The following SUFU variants were observed in gnomAD, a reference collection of about 807,000 sequenced individuals.
SUFU encodes SUFU negative regulator of hedgehog signaling.
SUFU carries 7 observed loss-of-function variants against 58.9 expected under a neutral mutation model. That is an observed-to-expected ratio of 0.12 (90% confidence interval 0.07 to 0.22). The LOEUF is 0.22. SUFU is among the 10% of genes least tolerant of loss of function. The pLI is 1.00. For missense variants in SUFU, 451 were observed against 641.3 expected (o/e 0.70, Z 3.20); for synonymous variants, 232 against 254.8 (o/e 0.91, Z 0.85).
chr10:102,506,229 A>T (rs1005335590), intron 1 of SUFU, among the ~76,000 whole-genome samples: 2 of 151,166 alleles, frequency 1.3e-5, no homozygotes, highest in Admixed American at 6.6e-5. Flanking sequence ...ACTAAGGGCA[A>T]TTTTTTTTTC....
intron 3 of SUFU, among the ~76,000 whole-genome samples, chr10:102,563,833 A>G (rs1406459881): frequency 1.3e-5 from 2 of 151,298 alleles, no homozygotes; most frequent in Admixed American, 1.3e-4. Flanking sequence ...CTCTAGCTGC[A>G]TTTTGAGAGT....
chr10:102,568,920 AC>A, intron 3 of SUFU, among the ~76,000 whole-genome samples: 1 of 7,818 alleles, frequency 1.3e-4, no homozygotes, highest in Admixed American at 1.6e-3. Context: ...ATATATATAT[AC>A]ACATATATAT....
At chr10:102,595,162 A>T (rs561706175) in intron 6 of SUFU, among the ~76,000 whole-genome samples, 1 of 152,314 alleles carries the variant, frequency 6.6e-6, no homozygotes, top group South Asian at 2.1e-4. Context: ...CTTCTGTAAA[A>T]TATCTGGTAG....
intron 2 of SUFU, among the ~76,000 whole-genome samples, chr10:102,514,911 G>C (rs918022853): frequency 2.0e-5 from 3 of 152,226 alleles, no homozygotes; most frequent in African/African-American, 7.2e-5. Flanking sequence ...ATTTTCCCAG[G>C]GCAGGTCATC....
At chr10:102,588,113 C>G (rs1267127380) in intron 3 of SUFU, among the ~76,000 whole-genome samples, 1 of 152,142 alleles carries the variant, frequency 6.6e-6, no homozygotes, top group Non-Finnish European at 1.5e-5. Context: ...TTAATGCCCA[C>G]AGGCTGGGCG....
At chr10:102,533,904 C>T (rs2062705581) in intron 2 of SUFU, among the ~76,000 whole-genome samples, 1 of 151,278 alleles carries the variant, frequency 6.6e-6, no homozygotes, top group African/African-American at 2.5e-5. Flanking sequence ...AACATTTATT[C>T]AGGCTACCAC....
At chr10:102,585,600 G>A (rs993796122) in intron 3 of SUFU, among the ~76,000 whole-genome samples, 4 of 152,010 alleles carry the variant, frequency 2.6e-5, no homozygotes, top group East Asian at 1.9e-4. Context: ...TCCACATCCC[G>A]GGCTCAAACA....
At chr10:102,570,971 G>A (rs369720697) in intron 3 of SUFU, among the ~76,000 whole-genome samples, 1 of 151,668 alleles carries the variant, frequency 6.6e-6, no homozygotes, top group Non-Finnish European at 1.5e-5. Context: ...TACATATTTT[G>A]TTTTCTTGGA....
chr10:102,603,158 T>C (rs2063529945), intron 8 of SUFU, among the ~76,000 whole-genome samples: 1 of 152,140 alleles, frequency 6.6e-6, no homozygotes, highest in African/African-American at 2.4e-5. Context: ...AGAGGTTTTC[T>C]TTTATTTATT....
chr10:102,542,373 C>T (rs1387631821), intron 2 of SUFU, among the ~76,000 whole-genome samples: 7 of 151,498 alleles, frequency 4.6e-5, no homozygotes, highest in African/African-American at 1.2e-4. Context: ...CCTCATGATC[C>T]GCCCACCTCG....
In SUFU at chr10:102,592,439, C is replaced by T. The variant is rs73338680; in HGVS notation, c.455-143C>T. ...TATCCACAAACTCTTTGCTTCCATC[C>T]GGAGTGAATGCTTCTCTTCCTTCAC... On this transcript the variant is annotated intron_variant, in intron 3 of 11. Transcript: ENST00000369902. 2.4e-3 allele frequency: 2,195 copies of T among 896,798 alleles called. 30 individuals carry two copies. The African/African-American group carries it at 0.028, about 12-fold the overall frequency. The allele number at this position is 896,798 out of a possible 1,614,324, so 55.6% of individuals were successfully genotyped here.
At chr10:102,624,675 C>T (rs899244064) in intron 10 of SUFU, among the ~76,000 whole-genome samples, 6 of 152,216 alleles carry the variant, frequency 3.9e-5, no homozygotes, top group East Asian at 1.9e-4. Context: ...GATGGTGCCG[C>T]GCATGGTCGT....
At chr10:102,597,793 C>T (rs565774449) in intron 7 of SUFU, among the ~76,000 whole-genome samples, 1 of 152,334 alleles carries the variant, frequency 6.6e-6, no homozygotes, top group East Asian at 1.9e-4. Flanking sequence ...CATATAGATA[C>T]AGGGTTAGGG....
rs1160483702 is a variant in SUFU at position 102,630,381 on chromosome 10, A to G, written c.*226A>G. The G allele has an allele frequency of 5.1e-6, 3 of 583,160 alleles. No individual in the cohort carries two copies. The highest frequency in any genetic ancestry group is 1.9e-5 in the South Asian group (1 of 51,560). 36.1% of individuals were successfully genotyped at this position (583,160 alleles called of 1,614,324 possible). On this transcript the variant is annotated 3_prime_UTR_variant, in exon 12 of 12. Coordinates refer to ENST00000369902, the MANE Select transcript of SUFU (RefSeq NM_016169.4). ...CGCCGCTGGCTAAGCCTTGTGACCCATCAGGCCAGTGAGTGGGCAAATGCG... is the reference window on the plus strand; with the variant it reads ...CGCCGCTGGCTAAGCCTTGTGACCCGTCAGGCCAGTGAGTGGGCAAATGCG...
At chr10:102,561,147 C>T (rs571461589) in intron 3 of SUFU, among the ~76,000 whole-genome samples, 7 of 152,238 alleles carry the variant, frequency 4.6e-5, no homozygotes, top group Admixed American at 6.5e-5. Context: ...CCAGCCTTAC[C>T]GGAGTATTTC....
intron 3 of SUFU, among the ~76,000 whole-genome samples, chr10:102,584,879 C>T (rs1451572020): frequency 2.6e-5 from 4 of 152,240 alleles, no homozygotes; most frequent in Admixed American, 2.6e-4. Context: ...CCCATCATCA[C>T]TGACGTACTG....
chr10:102,599,605 C>T lies in SUFU; in HGVS notation c.1022+61C>T, dbSNP rs553561947. ...GACGACTTTTTTCTGAAGGGCCTGT[C>T]CCTGTGGATTGCATGAGAGAGAACA... On this transcript the variant is annotated intron_variant, in intron 8 of 11. Transcript: ENST00000369902. 1.3e-5 allele frequency: 18 copies of T among 1,387,944 alleles called. 1 individual carries two copies. The South Asian group carries it at 1.9e-4, about 14-fold the overall frequency. The allele number at this position is 1,387,944 out of a possible 1,614,324, so 86.0% of individuals were successfully genotyped here.
In SUFU at chr10:102,526,110, G is replaced by A. The variant is rs1293646863; in HGVS notation, c.317+16807G>A. Among the ~76,000 whole-genome samples the A allele has an allele frequency of 2.0e-5, 3 of 152,076 alleles. No homozygotes were observed. The East Asian group carries it at 5.8e-4, about 30-fold the overall frequency. ...GCATCAATATGGTGACCTCCCAGGA[G>A]CATGGGACCACCAGGTTGCCTAAGG... On this transcript the variant is annotated intron_variant, in intron 2 of 11. Transcript: ENST00000369902.
intron 2 of SUFU, among the ~76,000 whole-genome samples, chr10:102,509,957 G>A (rs1162959334): frequency 1.3e-5 from 2 of 151,954 alleles, no homozygotes; most frequent in African/African-American, 4.8e-5. Flanking sequence ...TCCAACCTCA[G>A]CCTCCCGAGT....
Sources: gnomAD v4.1 joint callset for allele counts (sites outside exome capture counted in the v4.1 genomes callset) on GRCh38, gnomAD v4.1.1 for gene constraint, MANE v1.5 for transcripts, NCBI Gene and HGNC (gene_info 2026-07-23, HGNC 2026-07-21) for gene names.